SLC38A6: variants seen among roughly 807,000 people sequenced by gnomAD.
SLC38A6 encodes N system amino acid transporter NAT-1.
In SLC38A6, 73 loss-of-function variants were observed where a neutral mutation model predicts 65.0. The ratio of observed to expected loss-of-function variants is 1.12; its 90% CI spans 0.93 to 1.37. SLC38A6 has a LOEUF of 1.37. Among genes scored for constraint, SLC38A6 ranks in the 40% most tolerant of loss-of-function variants. The probability of loss-of-function intolerance (pLI) is 0.00; values close to 1 mark genes in which losing one functional copy is unlikely to be tolerated. For missense variants in SLC38A6, 561 were observed against 531.1 expected (o/e 1.06, Z -0.55); for synonymous variants, 183 against 178.8 (o/e 1.02, Z -0.19).
chr14:61,066,804 G>A (rs111283305), intron 15 of SLC38A6, among the ~76,000 whole-genome samples: 4 of 152,120 alleles, frequency 2.6e-5, no homozygotes, highest in Admixed American at 6.5e-5. Context: ...TAGTGAACCC[G>A]TGCAGTTGAA....
chr14:61,011,231 G>T (rs551961120), intron 3 of SLC38A6, among the ~76,000 whole-genome samples: 2 of 152,128 alleles, frequency 1.3e-5, no homozygotes, highest in Admixed American at 1.3e-4. Flanking sequence ...CATTGATTTT[G>T]TATCCTGAGA....
Position 61,026,417 on chromosome 14 carries a change from C to G in SLC38A6, c.404-4028C>G, listed in dbSNP as rs113495178. 3.4e-3 allele frequency among the ~76,000 whole-genome samples: 517 copies of G among 152,132 alleles called. 5 individuals carry two copies. Among genetic ancestry groups the G allele is most frequent in the African/African-American group, 0.012 (493 of 41,498 alleles). ...TCCATGAATTTTGAACTAATCACAT[C>G]ACCAAAGGAGCTCCAATACTGAAAA... On this transcript the variant is annotated intron_variant, in intron 5 of 15. Transcript: ENST00000267488.
intron 5 of SLC38A6, among the ~76,000 whole-genome samples, chr14:61,020,648 T>A (rs1357143677): frequency 1.3e-5 from 2 of 152,066 alleles, no homozygotes; most frequent in Non-Finnish European, 2.9e-5. Context: ...ACCAAATAAT[T>A]TTCTCCTAAC....
At chr14:61,017,032 T>C (rs1350802216) in intron 4 of SLC38A6, among the ~76,000 whole-genome samples, 3 of 152,158 alleles carry the variant, frequency 2.0e-5, no homozygotes, top group Non-Finnish European at 4.4e-5. Flanking sequence ...CAGTTAACTT[T>C]GGTGGAGTTT....
intron 5 of SLC38A6, among the ~76,000 whole-genome samples, chr14:61,026,385 A>G (rs867850375): frequency 1.2e-4 from 18 of 152,134 alleles, no homozygotes; most frequent in African/African-American, 4.1e-4. Flanking sequence ...GAATCTCATC[A>G]TGAAACTCCA....
downstream of SLC38A6, among the ~76,000 whole-genome samples, chr14:61,054,811 A>G (rs1049823513): frequency 1.3e-5 from 2 of 152,140 alleles, no homozygotes; most frequent in African/African-American, 4.8e-5. Context: ...GCAAACAGAG[A>G]TAGTTTGACT....
In SLC38A6 at chr14:61,021,177, A is replaced by G. The variant is rs186651209; in HGVS notation, c.403+1597A>G. Among the ~76,000 whole-genome samples, 12 of 152,238 alleles carry G rather than the reference A, an allele frequency of 7.9e-5. No individual in the cohort carries two copies. In the Middle Eastern group the frequency reaches 0.017, roughly 216 times the overall value. On this transcript the variant is annotated intron_variant, in intron 5 of 15. Coordinates refer to ENST00000267488, the MANE Select transcript of SLC38A6 (RefSeq NM_153811.3). The stretch of plus-strand genomic sequence containing the variant: ...ATTTCTCTTTGTACTCCCAGCACCT[A>G]TTACACCTGGGAATTGATAAACTTG...
chr14:61,011,221 C>G (rs1320954700), intron 3 of SLC38A6, among the ~76,000 whole-genome samples: 2 of 152,166 alleles, frequency 1.3e-5, no homozygotes, highest in Non-Finnish European at 2.9e-5. Flanking sequence ...GATTTTTACA[C>G]ATTGATTTTG....
At chr14:61,009,348 T>C (rs2039378396) in intron 3 of SLC38A6, among the ~76,000 whole-genome samples, 1 of 152,172 alleles carries the variant, frequency 6.6e-6, no homozygotes. Flanking sequence ...GTTTACCTTA[T>C]ATTGATTAGA....
At chr14:61,062,814 GGAA>G (rs1300661992) in intron 15 of SLC38A6, among the ~76,000 whole-genome samples, 2 of 152,256 alleles carry the variant, frequency 1.3e-5, no homozygotes, top group East Asian at 3.9e-4. Context: ...CTGCATAGCT[GGAA>G]TTACAGGCGC....
chr14:60,983,611 T>A lies in SLC38A6; in HGVS notation c.236+973T>A, dbSNP rs147033977. On this transcript the variant is annotated intron_variant, in intron 2 of 15. Transcript: ENST00000267488. ...GATCTATTTACTAGGAAATTTAAAATGCCTAGGGAGTCTCTTTTATGTTTA... is the reference window on the plus strand; with the variant it reads ...GATCTATTTACTAGGAAATTTAAAAAGCCTAGGGAGTCTCTTTTATGTTTA... Among the ~76,000 whole-genome samples the A allele has an allele frequency of 3.5e-3, 526 of 152,318 alleles. 10 individuals are homozygous for A. The highest frequency in any genetic ancestry group is 0.015 in the Admixed American group (233 of 15,302).
rs550774111 is a variant in SLC38A6, at chr14:61,008,924, A to G, written c.311-6980A>G. On this transcript the variant is annotated intron_variant, in intron 3 of 15. Coordinates refer to ENST00000267488, the MANE Select transcript of SLC38A6 (RefSeq NM_153811.3). ...AAACATTTGGACAATGTGGTATGCA[A>G]GTACTGTATAGTAAGAAGTAGGGAT... Among the ~76,000 whole-genome samples, 16 of 152,302 alleles carry G rather than the reference A, an allele frequency of 1.1e-4. No individual in the cohort carries two copies. In the South Asian group the frequency reaches 2.5e-3, roughly 24 times the overall value.
At chr14:61,049,095 G>C (rs1185985565) in intron 12 of SLC38A6, among the ~76,000 whole-genome samples, 1 of 152,098 alleles carries the variant, frequency 6.6e-6, no homozygotes, top group East Asian at 1.9e-4. Flanking sequence ...ACCTCTCAGT[G>C]ATTGTAACAG....
chr14:61,050,759 G>T lies in SLC38A6; in HGVS notation c.1050+123G>T, dbSNP rs2042464140. 3.3e-6 allele frequency: 3 copies of T among 922,576 alleles called. No homozygotes were observed. The African/African-American group carries it at 5.1e-5, about 16-fold the overall frequency. 57.1% of individuals were successfully genotyped at this position (922,576 alleles called of 1,614,324 possible). A position where few individuals can be genotyped will look rare whatever the true frequency, so the allele number is the denominator to read the frequency against. Reference sequence around the variant, plus strand: ...CTTGTATATCTTATTCACTTGTCAAGTAATTGATCAAAGACTTCATACTTG... The same window carrying T: ...CTTGTATATCTTATTCACTTGTCAATTAATTGATCAAAGACTTCATACTTG... On this transcript the variant is annotated intron_variant, in intron 13 of 15. Coordinates refer to ENST00000267488, the MANE Select transcript of SLC38A6 (RefSeq NM_153811.3).
intron 3 of SLC38A6, among the ~76,000 whole-genome samples, chr14:61,006,656 A>G (rs1231738870): frequency 2.6e-5 from 4 of 152,248 alleles, no homozygotes; most frequent in Non-Finnish European, 4.4e-5. Flanking sequence ...AATGGCAGTC[A>G]TTAAAAAGTC....
At chr14:60,981,622 T>C (rs952385564) in intron 1 of SLC38A6, 3 of 1,466,152 alleles carry the variant, frequency 2.0e-6, no homozygotes, top group South Asian at 2.4e-5. Flanking sequence ...GTGGAAGAGA[T>C]GCAGCGTTGA....
rs756955263 is a variant in SLC38A6 at position 61,043,457 on chromosome 14, A to G, written c.698A>G (p.Asn233Ser). The G allele has an allele frequency of 6.2e-7, 1 of 1,606,750 alleles. No individual in the cohort carries two copies. The highest frequency in any genetic ancestry group is 8.5e-7 in the Non-Finnish European group (1 of 1,177,132). The change falls in exon 10 of 16, where the codon AAT becomes AGT. Residue 233 changes from asparagine to serine, a missense_variant. Transcript: ENST00000267488. ...CTCAATGCTCTTAAACAGATTTCAA[A>G]TGTTACAGATGATTGTAAGCCAAAG... The part of the protein sequence containing the change: ...NYVEKGFQIS[N>S]VTDDCKPKLF...
intron 15 of SLC38A6, among the ~76,000 whole-genome samples, chr14:61,062,000 G>T (rs2042861253): frequency 6.6e-6 from 1 of 151,984 alleles, no homozygotes; most frequent in South Asian, 2.1e-4. Flanking sequence ...ACTACGCCTG[G>T]CTAATTTTTT....
chr14:61,067,362 A>G (rs990938106), intron 15 of SLC38A6, among the ~76,000 whole-genome samples: 1 of 152,300 alleles, frequency 6.6e-6, no homozygotes, highest in Non-Finnish European at 1.5e-5. Context: ...CTCAAATCAC[A>G]TAACTTCCAA....
Sources: allele counts gnomAD v4.1 joint callset (sites outside exome capture counted in the v4.1 genomes callset), GRCh38; gene constraint gnomAD v4.1.1; transcripts MANE v1.5; gene names NCBI Gene and HGNC (gene_info 2026-07-23, HGNC 2026-07-21).